SSBP2: variants seen among roughly 807,000 people sequenced by gnomAD.
SSBP2 encodes single stranded DNA binding protein 2.
In SSBP2, 17 loss-of-function variants were observed where a neutral mutation model predicts 61.8. That is an observed-to-expected ratio of 0.28 (90% CI 0.19 to 0.41). SSBP2 has a LOEUF of 0.41. Among genes scored for constraint, SSBP2 ranks in the 10% least tolerant of loss-of-function variants. SSBP2 has a pLI of 1.00. For missense variants in SSBP2, 310 were observed against 458.7 expected, an observed-to-expected ratio of 0.68 and a Z score of 2.96; for synonymous variants, 139 against 141.3, an observed-to-expected ratio of 0.98 and a Z score of 0.12.
chr5:81,431,114 T>G (rs1465656295), intron 15 of SSBP2, among the ~76,000 whole-genome samples: 1 of 152,282 alleles, frequency 6.6e-6, no homozygotes, highest in South Asian at 2.1e-4. Flanking sequence ...ATGAATTGTG[T>G]GTATGCTTCA....
At chr5:81,487,018 A>T (rs1464338179) in intron 6 of SSBP2, among the ~76,000 whole-genome samples, 2 of 152,226 alleles carry the variant, frequency 1.3e-5, no homozygotes, top group Non-Finnish European at 2.9e-5. Context: ...GAGAAGCAGA[A>T]TTCTGCTGCC....
chr5:81,546,873 A>G (rs1451671935), intron 4 of SSBP2, among the ~76,000 whole-genome samples: 1 of 151,934 alleles, frequency 6.6e-6, no homozygotes, highest in African/African-American at 2.4e-5. Flanking sequence ...AAATGTTACA[A>G]TATGTTCCAT....
At chr5:81,449,897 AG>A (rs1275884323) in intron 10 of SSBP2, among the ~76,000 whole-genome samples, 2 of 152,158 alleles carry the variant, frequency 1.3e-5, no homozygotes, top group African/African-American at 2.4e-5. Flanking sequence ...CAGCATCACT[AG>A]GGATTAGAAT....
chr5:81,730,490 G>A (rs1295285088), intron 1 of SSBP2, among the ~76,000 whole-genome samples: 1 of 152,172 alleles, frequency 6.6e-6, no homozygotes, highest in Non-Finnish European at 1.5e-5. Flanking sequence ...CTCCCAAAGT[G>A]CTGCTATTGC....
At chr5:81,745,741 T>C (rs1419331369) in intron 1 of SSBP2, among the ~76,000 whole-genome samples, 1 of 152,116 alleles carries the variant, frequency 6.6e-6, no homozygotes, top group Non-Finnish European at 1.5e-5. Context: ...TTTTGTCCTA[T>C]GTCCCAGGAT....
chr5:81,422,021 T>C (rs1262523006), intron 16 of SSBP2, among the ~76,000 whole-genome samples: 2 of 152,144 alleles, frequency 1.3e-5, no homozygotes, highest in African/African-American at 4.8e-5. Flanking sequence ...AAAATGTAAA[T>C]GTGGACCCTG....
At chr5:81,701,242 G>A (rs926351350) in intron 1 of SSBP2, among the ~76,000 whole-genome samples, 1 of 152,148 alleles carries the variant, frequency 6.6e-6, no homozygotes, top group Admixed American at 6.5e-5. Context: ...CAGCTGTTTG[G>A]TGGAGCAGTG....
intron 6 of SSBP2, among the ~76,000 whole-genome samples, chr5:81,483,881 ATTAAT>A (rs1429723988): frequency 1.2e-4 from 18 of 152,304 alleles, no homozygotes; most frequent in Admixed American, 6.5e-5. Context: ...TTTAATTAAA[ATTAAT>A]TTAATTAAAA....
intron 1 of SSBP2, among the ~76,000 whole-genome samples, chr5:81,738,936 G>A (rs1002299458): frequency 6.6e-6 from 1 of 152,018 alleles, no homozygotes; most frequent in African/African-American, 2.4e-5. Flanking sequence ...TGGCTGAGGT[G>A]GGTGGATCAC....
At chr5:81,719,646 A>G (rs571280624) in intron 1 of SSBP2, among the ~76,000 whole-genome samples, 1 of 152,194 alleles carries the variant, frequency 6.6e-6, no homozygotes, top group East Asian at 1.9e-4. Flanking sequence ...TGGGAAGAAG[A>G]GTTTATTACT....
At chr5:81,454,392 T>C (rs1364965418) in intron 10 of SSBP2, among the ~76,000 whole-genome samples, 1 of 152,020 alleles carries the variant, frequency 6.6e-6, no homozygotes, top group Non-Finnish European at 1.5e-5. Context: ...AACAAAGAGA[T>C]AGATAGGGAC....
At chr5:81,507,386 T>G (rs1358010903) in intron 5 of SSBP2, among the ~76,000 whole-genome samples, 1 of 152,146 alleles carries the variant, frequency 6.6e-6, no homozygotes, top group African/African-American at 2.4e-5. Flanking sequence ...AACATCAACA[T>G]ATTATCAGTT....
intron 1 of SSBP2, among the ~76,000 whole-genome samples, chr5:81,737,593 TA>T (rs1311813167): frequency 6.6e-6 from 1 of 150,384 alleles, no homozygotes; most frequent in Admixed American, 6.7e-5. Flanking sequence ...CCATACTGGC[TA>T]ACACGGTGAA....
chr5:81,498,303 G>GA lies in SSBP2; in HGVS notation c.373-8995dup, dbSNP rs1039553884. ...AAGGTACAAAGTGAAATACAGCCTG[G>GA]AAAAATATGGGTTATCTTCAGTAAT... On this transcript the variant is annotated intron_variant, in intron 5 of 16. Transcript: ENST00000320672. Among the ~76,000 whole-genome samples, 130 of 152,050 alleles carry GA rather than the reference G, an allele frequency of 8.5e-4. 1 individual carries two copies. Among genetic ancestry groups the GA allele is most frequent in the African/African-American group, 3.1e-3 (129 of 41,530 alleles).
intron 4 of SSBP2, among the ~76,000 whole-genome samples, chr5:81,529,365 T>C (rs1478524981): frequency 6.6e-6 from 1 of 152,176 alleles, no homozygotes; most frequent in African/African-American, 2.4e-5. Context: ...AAATATTACA[T>C]ATTCTTTCTA....
chr5:81,527,902 A>G (rs1770080601), intron 4 of SSBP2, among the ~76,000 whole-genome samples: 1 of 96,146 alleles, frequency 1.0e-5, no homozygotes, highest in South Asian at 2.9e-4. Flanking sequence ...TTAAAGTAGT[A>G]AAAAAAAAAA....
At chr5:81,467,181 G>C in intron 8 of SSBP2, 116 bp from the exon 9 acceptor site, 1 of 552,548 alleles carries the variant, frequency 1.8e-6, no homozygotes, top group Non-Finnish European at 3.2e-6. Flanking sequence ...ATTCTCTGAG[G>C]GGTCCATTCT....
chr5:81,593,524 C>A (rs1325281550), intron 4 of SSBP2, among the ~76,000 whole-genome samples: 1 of 152,096 alleles, frequency 6.6e-6, no homozygotes, highest in Non-Finnish European at 1.5e-5. Context: ...AGAGCAACTC[C>A]AAGACACATC....
intron 15 of SSBP2, among the ~76,000 whole-genome samples, chr5:81,430,393 G>T (rs1460252238): frequency 6.6e-6 from 1 of 152,114 alleles, no homozygotes; most frequent in Non-Finnish European, 1.5e-5. Flanking sequence ...AAACAAAAGA[G>T]TAAAATGAAC....
Sources: gnomAD v4.1 joint callset for allele counts (sites outside exome capture counted in the v4.1 genomes callset) on GRCh38, gnomAD v4.1.1 for gene constraint, MANE v1.5 for transcripts, NCBI Gene and HGNC (gene_info 2026-07-23, HGNC 2026-07-21) for gene names.